The following BCAS3 variants were observed in gnomAD, a reference collection of about 807,000 sequenced individuals.
BCAS3 encodes BCAS4/BCAS3 fusion.
A neutral mutation model predicts 116.1 loss-of-function variants in BCAS3; 53 were observed. That is an observed-to-expected ratio of 0.46 (90% CI 0.37 to 0.57). BCAS3 has a LOEUF of 0.57. BCAS3 is among the 20% of genes least tolerant of loss of function. BCAS3 has a pLI of 0.00. For missense variants in BCAS3, 917 were observed against 1,165.4 expected (o/e 0.79, Z 3.10); for synonymous variants, 391 against 408.2 (o/e 0.96, Z 0.51).
At chr17:61,114,766 G>C (rs1355110344) in intron 22 of BCAS3, among the ~76,000 whole-genome samples, 1 of 149,902 alleles carries the variant, frequency 6.7e-6, no homozygotes, top group African/African-American at 2.4e-5. Flanking sequence ...AACCAAAAAA[G>C]AGCCCGCATC....
intron 9 of BCAS3, among the ~76,000 whole-genome samples, chr17:60,876,194 G>C (rs1247476682): frequency 1.3e-5 from 2 of 151,900 alleles, no homozygotes; most frequent in African/African-American, 4.8e-5. Context: ...AAACTCCCAA[G>C]GTTTTTGATA....
chr17:61,146,113 GT>G (rs5821302), intron 22 of BCAS3, among the ~76,000 whole-genome samples: 3 of 142,952 alleles, frequency 2.1e-5, no homozygotes, highest in Non-Finnish European at 3.0e-5. Flanking sequence ...CTGGTTTTTT[GT>G]TTTTTTTTTT....
chr17:60,940,321 C>T (rs1057198577), intron 13 of BCAS3, among the ~76,000 whole-genome samples: 3 of 152,146 alleles, frequency 2.0e-5, no homozygotes, highest in East Asian at 1.9e-4. Flanking sequence ...AATTTGATAA[C>T]GATATACTAT....
intron 16 of BCAS3, among the ~76,000 whole-genome samples, chr17:61,033,095 T>G (rs1329863325): frequency 2.0e-5 from 3 of 152,158 alleles, no homozygotes; most frequent in Non-Finnish European, 4.4e-5. Context: ...CTGAATTTTT[T>G]GAAGATTAGG....
chr17:61,005,756 C>CTT (rs869287886), intron 15 of BCAS3, among the ~76,000 whole-genome samples: 62 of 118,666 alleles, frequency 5.2e-4, no homozygotes, highest in African/African-American at 1.8e-3. Context: ...TGTGGCTATA[C>CTT]TTTTTTTTTT....
intron 22 of BCAS3, among the ~76,000 whole-genome samples, chr17:61,142,234 G>A (rs2076963374): frequency 1.3e-5 from 2 of 152,126 alleles, no homozygotes; most frequent in South Asian, 4.1e-4. Context: ...ACTTAAAAAG[G>A]TTATTTGCCC....
intron 5 of BCAS3, among the ~76,000 whole-genome samples, chr17:60,743,361 A>T (rs536169290): frequency 6.6e-6 from 1 of 152,212 alleles, no homozygotes; most frequent in South Asian, 2.1e-4. Context: ...GACTGAAAAG[A>T]GATGTAGCAG....
At chr17:61,094,927 T>C (rs1211322140) in intron 22 of BCAS3, among the ~76,000 whole-genome samples, 1 of 152,238 alleles carries the variant, frequency 6.6e-6, no homozygotes, top group African/African-American at 2.4e-5. Context: ...ATATCAGCAT[T>C]TGGAACATCT....
At chr17:60,762,914 C>T (rs894786948) in intron 6 of BCAS3, among the ~76,000 whole-genome samples, 5 of 151,668 alleles carry the variant, frequency 3.3e-5, no homozygotes, top group African/African-American at 7.3e-5. Flanking sequence ...AGGTCCTTCA[C>T]GTCCCTTGTT....
rs376834026 is a variant in BCAS3 at position 61,204,489 on chromosome 17, G to A, written c.2425+119925G>A. On this transcript the variant is annotated intron_variant, in intron 22 of 23. Coordinates refer to ENST00000407086, the MANE Select transcript of BCAS3 (RefSeq NM_017679.5). This position sits in a 1 kb window ranked among gnomAD's most constrained non-coding sequence, Gnocchi z 4.2. ...AAAAATTGAATTTGGGAAACATTGA[G>A]TGGAATATTTTTTAAGCTGAAATAC... 2.0e-5 allele frequency among the ~76,000 whole-genome samples: 3 copies of A among 152,204 alleles called. No homozygotes were observed. Among genetic ancestry groups the A allele is most frequent in the Non-Finnish European group, 4.4e-5 (3 of 68,038 alleles).
intron 12 of BCAS3, among the ~76,000 whole-genome samples, chr17:60,912,475 A>G (rs1599636664): frequency 1.3e-5 from 2 of 152,252 alleles, no homozygotes; most frequent in South Asian, 2.1e-4. Context: ...TTTTTCTGCA[A>G]TTACAACAAA....
At position 61,136,941 on chromosome 17, in the gene BCAS3, C is replaced by T. The variant is rs183317733; in HGVS notation, c.2425+52377C>T. On this transcript the variant is annotated intron_variant, in intron 22 of 23. Coordinates refer to ENST00000407086, the MANE Select transcript of BCAS3 (RefSeq NM_017679.5). This position sits in a 1 kb window ranked among gnomAD's most constrained non-coding sequence, Gnocchi z 4.4. ...GGTGCTGAGAAAATGTTGAATTATTCAGATAGTTGATTCACATTGAATTGT... is the reference window on the plus strand; with the variant it reads ...GGTGCTGAGAAAATGTTGAATTATTTAGATAGTTGATTCACATTGAATTGT... Among the ~76,000 whole-genome samples the T allele has an allele frequency of 3.1e-4, 47 of 152,230 alleles. No individual in the cohort carries two copies. Among genetic ancestry groups the T allele is most frequent in the African/African-American group, 1.1e-3 (46 of 41,530 alleles).
At chr17:60,931,344 C>T (rs2059633609) in intron 13 of BCAS3, among the ~76,000 whole-genome samples, 1 of 152,116 alleles carries the variant, frequency 6.6e-6, no homozygotes, top group Admixed American at 6.6e-5. Context: ...GGCACAATTT[C>T]AGCTCACTGC....
chr17:61,195,928 T>A (rs2080452394), intron 22 of BCAS3, among the ~76,000 whole-genome samples: 1 of 152,240 alleles, frequency 6.6e-6, no homozygotes, highest in African/African-American at 2.4e-5. Context: ...AGATGAAAAG[T>A]CCAAACTGAT....
chr17:61,271,424 A>ATTTGTTTTTTTTTTTTTTTTTT (rs2050245779), intron 22 of BCAS3, among the ~76,000 whole-genome samples: 1 of 70,226 alleles, frequency 1.4e-5, no homozygotes, highest in Non-Finnish European at 2.4e-5. Context: ...CCATGCCCGG[A>ATTTGTTTTTTTTTTTTTTTTTT]TTTTTTTTTT....
intron 6 of BCAS3, among the ~76,000 whole-genome samples, chr17:60,798,795 C>T (rs1228930860): frequency 1.3e-5 from 2 of 152,144 alleles, no homozygotes; most frequent in African/African-American, 2.4e-5. Context: ...TTTGGCATTC[C>T]CATTAGCAGT....
At chr17:60,968,096 A>G (rs1003961121) in intron 14 of BCAS3, among the ~76,000 whole-genome samples, 46 of 152,278 alleles carry the variant, frequency 3.0e-4, no homozygotes, top group African/African-American at 1.1e-3. Context: ...TGGAGAGGTC[A>G]TAATTCCCTA....
chr17:61,339,184 C>T lies in BCAS3; in HGVS notation c.2426-29143C>T, dbSNP rs1475157242. On this transcript the variant is annotated intron_variant, in intron 22 of 23. Coordinates refer to ENST00000407086, the MANE Select transcript of BCAS3 (RefSeq NM_017679.5). This position sits in a 1 kb window ranked among gnomAD's most constrained non-coding sequence, Gnocchi z 4.4. ...GATTGGCAGTCATCTTCCCAGCTCT[C>T]GGCTTCAACCCTGATTCTGACAGTG... Among the ~76,000 whole-genome samples the T allele has an allele frequency of 6.6e-6, 1 of 152,172 alleles. No homozygotes were observed. The highest frequency in any genetic ancestry group is 2.1e-4 in the South Asian group (1 of 4,832).
intron 23 of BCAS3, among the ~76,000 whole-genome samples, chr17:61,382,194 G>A (rs1294366893): frequency 6.6e-6 from 1 of 151,680 alleles, no homozygotes; most frequent in African/African-American, 2.4e-5. Context: ...CAGACATGGT[G>A]GCGCGTGCCT....
Sources: allele counts gnomAD v4.1 joint callset (sites outside exome capture counted in the v4.1 genomes callset), GRCh38; gene constraint gnomAD v4.1.1; non-coding constraint Gnocchi (gnomAD v3.1); transcripts MANE v1.5; gene names NCBI Gene and HGNC (gene_info 2026-07-23, HGNC 2026-07-21).